ZNF131: variants seen among roughly 807,000 people sequenced by gnomAD.
ZNF131 encodes zinc finger and BTB domain containing 35.
Under a neutral mutation model 60.0 loss-of-function variants are expected in ZNF131, and 7 were observed. The ratio of observed to expected loss-of-function variants is 0.12; its 90% CI spans 0.07 to 0.22. ZNF131 has a LOEUF of 0.22. ZNF131 is among the 10% of genes least tolerant of loss of function. ZNF131 has a pLI of 1.00. For missense variants in ZNF131, 493 were observed against 740.9 expected, an observed-to-expected ratio of 0.67 and a Z score of 3.88; for synonymous variants, 257 against 253.2, an observed-to-expected ratio of 1.01 and a Z score of -0.14.
intron 5 of ZNF131, among the ~76,000 whole-genome samples, chr5:43,172,728 C>CT (rs1194929176): frequency 6.6e-6 from 1 of 152,076 alleles, no homozygotes; most frequent in East Asian, 1.9e-4. Flanking sequence ...CTCCGTGCCT[C>CT]TTTCTTTTTT....
intron 1 of ZNF131, 41 bp from the exon 2 acceptor site, chr5:43,121,998 T>C: frequency 6.3e-7 from 1 of 1,587,272 alleles, no homozygotes. Flanking sequence ...GTTCCTCGGC[T>C]CGAGCTCATG....
intron 4 of ZNF131, chr5:43,143,225 TG>T: frequency 3.6e-6 from 1 of 279,724 alleles, no homozygotes. Context: ...GTTTTCACCA[TG>T]TTGGCCAGGA....
At chr5:43,153,189 A>G (rs903389628) in intron 4 of ZNF131, among the ~76,000 whole-genome samples, 1 of 152,144 alleles carries the variant, frequency 6.6e-6, no homozygotes, top group African/African-American at 2.4e-5. Flanking sequence ...CTATAAGATG[A>G]TGTCACTCCA....
intron 5 of ZNF131, among the ~76,000 whole-genome samples, chr5:43,165,441 T>C (rs1383891295): frequency 1.3e-5 from 2 of 152,222 alleles, no homozygotes; most frequent in African/African-American, 4.8e-5. Context: ...GGCTGCAGAA[T>C]GGCTGTTGTG....
chr5:43,163,571 C>T (rs1034548518), intron 5 of ZNF131, among the ~76,000 whole-genome samples: 2 of 152,202 alleles, frequency 1.3e-5, no homozygotes, highest in African/African-American at 4.8e-5. Flanking sequence ...TGCTTGCTCC[C>T]ACTCCCCGAA....
In ZNF131 at chr5:43,175,851, G is replaced by C. The variant is rs13665; in HGVS notation, c.*718G>C. On this transcript the variant is annotated 3_prime_UTR_variant, in exon 7 of 7. Transcript: ENST00000682664. ...GATGCTATAATACTTTATATTTTTG[G>C]TTATAATGACAACCACCAGTTCTTT... 0.66 allele frequency: 101,894 copies of C among 155,156 alleles called. 34,038 individuals are homozygous for C. The highest frequency in any genetic ancestry group is 0.84 in the East Asian group (4,528 of 5,422). 9.6% of individuals were successfully genotyped at this position (155,156 alleles called of 1,614,324 possible).
chr5:43,165,652 C>T (rs547683528), intron 5 of ZNF131, among the ~76,000 whole-genome samples: 1 of 152,314 alleles, frequency 6.6e-6, no homozygotes, highest in East Asian at 1.9e-4. Flanking sequence ...GTTTCTGTAG[C>T]CCAGGCAGAG....
At chr5:43,163,255 G>T (rs2111984611) in intron 5 of ZNF131, among the ~76,000 whole-genome samples, 1 of 152,220 alleles carries the variant, frequency 6.6e-6, no homozygotes, top group Admixed American at 6.5e-5. Context: ...TGGGATTACA[G>T]GCATGAGCCA....
chr5:43,160,227 G>A (rs370777694), intron 4 of ZNF131, among the ~76,000 whole-genome samples: 3 of 151,490 alleles, frequency 2.0e-5, no homozygotes, highest in Admixed American at 6.6e-5. Flanking sequence ...TGTCAGCTGG[G>A]CACAGTAGCT....
chr5:43,133,036 A>G (rs1304640092), intron 3 of ZNF131, among the ~76,000 whole-genome samples: 4 of 152,156 alleles, frequency 2.6e-5, no homozygotes, highest in Admixed American at 2.6e-4. Context: ...GTTTTTCTTA[A>G]TAGTGTCTCG....
At chr5:43,143,534 T>A in intron 4 of ZNF131, 1 of 599,656 alleles carries the variant, frequency 1.7e-6, no homozygotes, top group Non-Finnish European at 2.5e-6. Flanking sequence ...TTCTTATTGT[T>A]GTTACTGGTT....
At position 43,174,778 on chromosome 5, in the gene ZNF131, G is replaced by T. The variant is rs1268873524; in HGVS notation, c.1517G>T (p.Ser506Ile). 6.2e-7 allele frequency: 1 copy of T among 1,614,178 alleles called. No homozygotes were observed. Among genetic ancestry groups the T allele is most frequent in the Non-Finnish European group, 8.5e-7 (1 of 1,180,028 alleles). Residue 506 changes from serine to isoleucine, a missense_variant, in exon 7 of 7, where the codon AGC becomes ATC. By Grantham distance (142) the Ser-to-Ile change is moderately radical. Around this residue, in one of 7 missense-constraint regions of ZNF131, gnomAD observed 202 missense variants for 221.3 expected, o/e 0.91. Transcript: ENST00000682664. ...EQVHPDLLQDSQVHDSHMSEL... is the reference protein window; with the variant it reads ...EQVHPDLLQDIQVHDSHMSEL... ...GTCCATCCAGATCTGCTCCAGGACA[G>T]CCAGGTGCACGATTCACACATGAGT... is the stretch of plus-strand genomic sequence containing the variant.
intron 5 of ZNF131, among the ~76,000 whole-genome samples, chr5:43,169,794 TC>T (rs1297540210): frequency 1.2e-4 from 18 of 151,302 alleles, no homozygotes; most frequent in Admixed American, 1.2e-3. Flanking sequence ...TGCACTTTTT[TC>T]TTTTTTTTTT....
chr5:43,132,008 T>A (rs570034444), intron 3 of ZNF131, among the ~76,000 whole-genome samples: 1 of 152,196 alleles, frequency 6.6e-6, no homozygotes, highest in Non-Finnish European at 1.5e-5. Flanking sequence ...AGAGTTGTTA[T>A]GAGAATTAAG....
At chr5:43,161,156 A>T in intron 4 of ZNF131, 93 bp from the exon 5 acceptor site, 2 of 1,139,032 alleles carry the variant, frequency 1.8e-6, no homozygotes, top group Non-Finnish European at 2.5e-6. Context: ...ATAACTGTTT[A>T]TATAAATTTT....
intron 4 of ZNF131, among the ~76,000 whole-genome samples, chr5:43,149,500 C>T (rs189873098): frequency 6.4e-4 from 98 of 152,232 alleles, no homozygotes; most frequent in African/African-American, 2.2e-3. Context: ...TGGTTATGAA[C>T]GTTTGTGTAA....
chr5:43,159,883 C>T (rs2111912343), intron 4 of ZNF131, among the ~76,000 whole-genome samples: 1 of 151,976 alleles, frequency 6.6e-6, no homozygotes, highest in South Asian at 2.1e-4. Flanking sequence ...AGAAATCTTT[C>T]AGCTGGGCAG....
At chr5:43,170,322 A>G (rs1025407098) in intron 5 of ZNF131, among the ~76,000 whole-genome samples, 6 of 152,226 alleles carry the variant, frequency 3.9e-5, no homozygotes, top group Non-Finnish European at 7.3e-5. Context: ...CAGATAATAC[A>G]TATAGCTCAG....
At position 43,174,763 on chromosome 5, in the gene ZNF131, A is replaced by T; in HGVS notation, c.1502A>T (p.Asp501Val). The change falls in exon 7 of 7, where the codon GAT becomes GTT. Residue 501 changes from aspartate to valine, a missense_variant. Physicochemically the swap from Asp to Val is radical, Grantham distance 152. This residue lies in a region of ZNF131 where 202 missense variants were observed against 221.3 expected (regional missense o/e 0.91). Coordinates refer to ENST00000682664, the MANE Select transcript of ZNF131 (RefSeq NM_001330707.2). The part of the protein sequence containing the change: ...AQVTVEQVHP[D>V]LLQDSQVHDS... ...GTGACTGTGGAACAAGTCCATCCAG[A>T]TCTGCTCCAGGACAGCCAGGTGCAC... 1.2e-6 allele frequency: 2 copies of T among 1,614,176 alleles called. No individual in the cohort carries two copies. The highest frequency in any genetic ancestry group is 1.1e-5 in the South Asian group (1 of 91,078).
Sources: gnomAD v4.1 joint callset for allele counts (sites outside exome capture counted in the v4.1 genomes callset) on GRCh38, gnomAD v4.1.1 for gene constraint, gnomAD v4.1.1 regional missense constraint, MANE v1.5 for transcripts, NCBI Gene and HGNC (gene_info 2026-07-23, HGNC 2026-07-21) for gene names.